CFAP77: variants seen among roughly 807,000 people sequenced by gnomAD.
The protein encoded by CFAP77 is cilia and flagella associated protein 77, also known as cilia- and flagella-associated protein 77.
In CFAP77, 25 loss-of-function variants were observed where a neutral mutation model predicts 31.1. The observed-to-expected ratio is 0.80, with a 90% CI of 0.59 to 1.12. CFAP77 has a LOEUF of 1.12. Among genes scored for constraint, CFAP77 ranks in the 50% most tolerant of loss-of-function variants. The pLI, the probability that CFAP77 is intolerant of heterozygous loss-of-function variation, is 0.00. For synonymous variants in CFAP77, 151 were observed against 159.9 expected (o/e 0.94, Z 0.42); for missense variants, 377 against 397.3 (o/e 0.95, Z 0.44).
At chr9:132,566,069 G>A (rs546302095) in intron 5 of CFAP77, among the ~76,000 whole-genome samples, 1 of 152,330 alleles carries the variant, frequency 6.6e-6, no homozygotes, top group South Asian at 2.1e-4. Context: ...TTGCTCCACA[G>A]CTCTTCATCC....
intron 4 of CFAP77, 128 bp downstream of exon 4, chr9:132,537,834 G>T: frequency 1.5e-6 from 1 of 678,468 alleles, no homozygotes; most frequent in Non-Finnish European, 2.6e-6. Flanking sequence ...AAATCAGGTT[G>T]CATCTTCTGC....
In CFAP77 at chr9:132,539,635, G is replaced by A. The variant is rs1852605040; in HGVS notation, c.630+1929G>A. ...CTTTCTCGAAATCCTGGTACCCTCAGGAGGGGCCAGGAGGGGTGCACGAAG... is the reference window on the plus strand; with the variant it reads ...CTTTCTCGAAATCCTGGTACCCTCAAGAGGGGCCAGGAGGGGTGCACGAAG... On this transcript the variant is annotated intron_variant, in intron 4 of 5. Transcript: ENST00000393216. The surrounding 1 kb of genome is among the most constrained non-coding windows in gnomAD (Gnocchi z 4.3). Among the ~76,000 whole-genome samples, 1 of 152,180 alleles carries A rather than the reference G, an allele frequency of 6.6e-6. No homozygotes were observed. Among genetic ancestry groups the A allele is most frequent in the Non-Finnish European group, 1.5e-5 (1 of 68,044 alleles).
At chr9:132,531,625 T>TGGTG (rs1554748477) in intron 3 of CFAP77, among the ~76,000 whole-genome samples, 1 of 66,046 alleles carries the variant, frequency 1.5e-5, no homozygotes, top group African/African-American at 4.9e-5. Flanking sequence ...GGCTAAGACA[T>TGGTG]GGGGGGGGGG....
At chr9:132,533,753 C>T (rs181419300) in intron 3 of CFAP77, among the ~76,000 whole-genome samples, 61 of 152,142 alleles carry the variant, frequency 4.0e-4, no homozygotes, top group Middle Eastern at 3.4e-3. Context: ...TGGTGGTGGG[C>T]GCCTGGAGTC....
intron 3 of CFAP77, among the ~76,000 whole-genome samples, chr9:132,515,084 CAGAACCACTT>C (rs1430069844): frequency 6.6e-6 from 1 of 152,102 alleles, no homozygotes; most frequent in Non-Finnish European, 1.5e-5. Flanking sequence ...ACACGTGTGC[CAGAACCACTT>C]GGCGGGGGTG....
chr9:132,497,092 G>C lies in CFAP77; in HGVS notation c.196-1603G>C, dbSNP rs548240887. Among the ~76,000 whole-genome samples, 433 of 152,164 alleles carry C rather than the reference G, an allele frequency of 2.8e-3. 4 individuals are homozygous for C. Among genetic ancestry groups the C allele is most frequent in the African/African-American group, 1.0e-2 (414 of 41,488 alleles). Reference sequence around the variant, plus strand: ...AGCAAAGAGCAATGGAGGTGGCTGGGATGCCTGCGATCCTTCAGATGAGGG... The same window carrying C: ...AGCAAAGAGCAATGGAGGTGGCTGGCATGCCTGCGATCCTTCAGATGAGGG... On this transcript the variant is annotated intron_variant, in intron 1 of 5. Coordinates refer to ENST00000393216, the MANE Select transcript of CFAP77 (RefSeq NM_001282957.2). This position sits in a 1 kb window ranked among gnomAD's most constrained non-coding sequence, Gnocchi z 4.9.
rs1159631972 is a variant in CFAP77 at position 132,513,168 on chromosome 9, T to C, written c.524+13568T>C. 5.3e-6 allele frequency: 7 copies of C among 1,326,872 alleles called. No individual in the cohort carries two copies. The African/African-American group carries it at 1.0e-4, about 20-fold the overall frequency. The allele number at this position is 1,326,872 out of a possible 1,614,324, so 82.2% of individuals were successfully genotyped here. A position where few individuals can be genotyped will look rare whatever the true frequency, so the allele number is the denominator to read the frequency against. On this transcript the variant is annotated intron_variant, in intron 3 of 5. Coordinates refer to ENST00000393216, the MANE Select transcript of CFAP77 (RefSeq NM_001282957.2). The stretch of plus-strand genomic sequence containing the variant: ...TCAAGCACACAATCCAATTCTACTC[T>C]TAGTTATTTTTAAATGTGCAATTAA...
chr9:132,456,214 T>A (rs866995578), intron 1 of CFAP77, among the ~76,000 whole-genome samples: 27 of 152,168 alleles, frequency 1.8e-4, no homozygotes, highest in African/African-American at 6.3e-4. Context: ...TCGCTTATAG[T>A]AAGTGGCTGG....
At chr9:132,524,943 C>T (rs1357800407) in intron 3 of CFAP77, among the ~76,000 whole-genome samples, 3 of 149,264 alleles carry the variant, frequency 2.0e-5, no homozygotes, top group Non-Finnish European at 3.0e-5. Flanking sequence ...CCACTGTACC[C>T]GGCCGACACA....
Position 132,572,499 on chromosome 9 carries a change from A to G in CFAP77, c.844A>G (p.Thr282Ala). Residue 282 changes from threonine to alanine, a missense_variant, in exon 6 of 6, where the codon ACC becomes GCC. Transcript: ENST00000393216. ...GGGGACCCTGCGGATGGGCAACTAC[A>G]CCCACCCCTAGCCCCTCCCTCCCCT... ...RQGTLRMGNY[T>A]HP 1.3e-6 allele frequency: 2 copies of G among 1,599,866 alleles called. No homozygotes were observed. Among genetic ancestry groups the G allele is most frequent in the Non-Finnish European group, 1.7e-6 (2 of 1,177,358 alleles).
At chr9:132,543,113 C>G (rs1852674126) in intron 5 of CFAP77, 66 bp downstream of exon 5, 1 of 1,323,098 alleles carries the variant, frequency 7.6e-7, no homozygotes, top group Non-Finnish European at 1.1e-6. Context: ...TTGCCAGGTC[C>G]TTACCTGCTG....
In CFAP77 at chr9:132,537,598, C is replaced by G. The variant is rs752655828; in HGVS notation, c.525-3C>G. The G allele has an allele frequency of 2.5e-6, 4 of 1,609,270 alleles. No individual in the cohort carries two copies. The highest frequency in any genetic ancestry group is 2.5e-6 in the Non-Finnish European group (3 of 1,177,470). On this transcript the variant is annotated splice_polypyrimidine_tract_variant and splice_region_variant and intron_variant, in intron 3 of 5. Coordinates refer to ENST00000393216, the MANE Select transcript of CFAP77 (RefSeq NM_001282957.2). ...AAGCTCTGTCTGGACTTCTTCCCTC[C>G]AGGCCTTCCACACCCTTCTTTGATC...
rs1326294806 is a variant in CFAP77 at position 132,455,528 on chromosome 9, G to A, written c.196-43167G>A. 4.6e-5 allele frequency among the ~76,000 whole-genome samples: 7 copies of A among 150,938 alleles called. No homozygotes were observed. Among genetic ancestry groups the A allele is most frequent in the African/African-American group, 1.5e-4 (6 of 41,044 alleles). ...TGAAAAAAAAAAACAAAAAAACTTC[G>A]AGACCAGCCTGGGCAACATGGCGAG... On this transcript the variant is annotated intron_variant, in intron 1 of 5. Coordinates refer to ENST00000393216, the MANE Select transcript of CFAP77 (RefSeq NM_001282957.2). This position sits in a 1 kb window ranked among gnomAD's most constrained non-coding sequence, Gnocchi z 4.1.
intron 3 of CFAP77, among the ~76,000 whole-genome samples, chr9:132,510,186 C>A (rs1011037835): frequency 6.6e-6 from 1 of 152,180 alleles, no homozygotes; most frequent in Admixed American, 6.5e-5. Flanking sequence ...GTGCCAAGGT[C>A]AACGCTAACG....
intron 1 of CFAP77, among the ~76,000 whole-genome samples, chr9:132,439,391 C>T (rs900374255): frequency 6.6e-6 from 1 of 152,076 alleles, no homozygotes; most frequent in Non-Finnish European, 1.5e-5. Context: ...CTATGAGGCT[C>T]TGTGATTAAG....
chr9:132,564,977 T>C lies in CFAP77; in HGVS notation c.733-7411T>C, dbSNP rs907720939. 9.2e-5 allele frequency among the ~76,000 whole-genome samples: 14 copies of C among 152,026 alleles called. No homozygotes were observed. Among genetic ancestry groups the C allele is most frequent in the African/African-American group, 3.1e-4 (13 of 41,388 alleles). ...TCACTTCTCACCTTCGGGCCTTGGGTTTTCCATCTGTAGTATGGGAGAGTT... is the reference window on the plus strand; with the variant it reads ...TCACTTCTCACCTTCGGGCCTTGGGCTTTCCATCTGTAGTATGGGAGAGTT... On this transcript the variant is annotated intron_variant, in intron 5 of 5. Coordinates refer to ENST00000393216, the MANE Select transcript of CFAP77 (RefSeq NM_001282957.2). This position sits in a 1 kb window ranked among gnomAD's most constrained non-coding sequence, Gnocchi z 4.6.
At chr9:132,559,871 A>G (rs1189790677) in intron 5 of CFAP77, among the ~76,000 whole-genome samples, 1 of 152,234 alleles carries the variant, frequency 6.6e-6, no homozygotes, top group Non-Finnish European at 1.5e-5. Flanking sequence ...CCTCTGTGCT[A>G]TAACGTGGAT....
rs1392982453 is a variant in CFAP77 at position 132,410,356 on chromosome 9, TGCCCGCCCCCGC to T, written c.87_98del (p.Cys29_Arg33delinsTrp). 1 of 1,598,176 alleles carries T rather than the reference TGCCCGCCCCCGC, an allele frequency of 6.3e-7. No individual in the cohort carries two copies. Among genetic ancestry groups the T allele is most frequent in the Non-Finnish European group, 8.5e-7 (1 of 1,173,744 alleles). Reference sequence around the variant, plus strand: ...TGTGCGCCGCACGGTCAGCCAGGTCTGCCCGCCCCCGCGGCGGCCCCTGACCGTGGCGGACAT... The same window carrying T: ...TGTGCGCCGCACGGTCAGCCAGGTCTGGCGGCCCCTGACCGTGGCGGACAT... On this transcript the variant is annotated inframe_deletion, in exon 1 of 6. Coordinates refer to ENST00000393216, the MANE Select transcript of CFAP77 (RefSeq NM_001282957.2).
At chr9:132,506,110 C>T (rs1851927404) in intron 3 of CFAP77, among the ~76,000 whole-genome samples, 1 of 152,246 alleles carries the variant, frequency 6.6e-6, no homozygotes, top group Non-Finnish European at 1.5e-5. Context: ...AGTCTGGCAG[C>T]TGGCTTTGAA....
Sources: gnomAD v4.1 joint callset for allele counts (sites outside exome capture counted in the v4.1 genomes callset) on GRCh38, gnomAD v4.1.1 for gene constraint, Gnocchi (gnomAD v3.1) non-coding constraint, MANE v1.5 for transcripts, NCBI Gene and HGNC (gene_info 2026-07-23, HGNC 2026-07-21) for gene names.